Variants in PXT1 observed in about 807,000 individuals in gnomAD.
PXT1 encodes peroxisomal testis-specific protein 1.
A neutral mutation model predicts 11.0 loss-of-function variants in PXT1; 11 were observed. That is an observed-to-expected ratio of 1.00 (90% CI 0.63 to 1.66). The LOEUF is 1.66. PXT1 is among the 40% of genes most tolerant of loss of function. The pLI is 0.00. For missense variants in PXT1, 141 were observed against 155.5 expected (o/e 0.91, Z 0.49); for synonymous variants, 43 against 51.4 (o/e 0.84, Z 0.70).
chr6:36,395,427 T>A (rs2127409377), intron 4 of PXT1, among the ~76,000 whole-genome samples: 1 of 152,206 alleles, frequency 6.6e-6, no homozygotes, highest in South Asian at 2.1e-4. Context: ...CTTGAAATTC[T>A]GTTAAAGTTC....
chr6:36,429,508 C>CTTTTTTTTTTTTTTTT (rs112777415), intron 2 of PXT1, among the ~76,000 whole-genome samples: 5 of 108,214 alleles, frequency 4.6e-5, no homozygotes, highest in Admixed American at 1.1e-4. Context: ...TTTTTCTTTT[C>CTTTTTTTTTTTTTTTT]TTTTTTTTTT....
chr6:36,408,237 C>T (rs1695456675), intron 3 of PXT1, among the ~76,000 whole-genome samples: 1 of 148,688 alleles, frequency 6.7e-6, no homozygotes, highest in Admixed American at 7.0e-5. Flanking sequence ...GCTTGGATTA[C>T]ACATGTGAGC....
intron 2 of PXT1, among the ~76,000 whole-genome samples, chr6:36,430,214 A>G (rs568450673): frequency 7.2e-5 from 11 of 152,262 alleles, no homozygotes; most frequent in Admixed American, 6.5e-4. Context: ...CTCAAAAAAA[A>G]AAAAAGTAAA....
intron 3 of PXT1, among the ~76,000 whole-genome samples, chr6:36,408,315 C>T (rs922772666): frequency 6.8e-5 from 10 of 147,214 alleles, no homozygotes; most frequent in Non-Finnish European, 1.5e-4. Flanking sequence ...CTCTGCTTCT[C>T]TCTGTTGCAG....
intron 3 of PXT1, among the ~76,000 whole-genome samples, chr6:36,409,963 G>GGA (rs1774344652): frequency 6.3e-5 from 2 of 31,776 alleles, no homozygotes; most frequent in African/African-American, 4.0e-4. Flanking sequence ...AAGGAAGAAA[G>GGA]AGAAAAAAGA....
chr6:36,395,007 C>CA (rs1185346259), intron 4 of PXT1, among the ~76,000 whole-genome samples: 24 of 151,058 alleles, frequency 1.6e-4, no homozygotes, highest in African/African-American at 5.3e-4. Flanking sequence ...GGATCTCAAA[C>CA]AAAAAAAAGA....
chr6:36,433,224 T>C (rs1774717445), intron 2 of PXT1, among the ~76,000 whole-genome samples: 1 of 152,072 alleles, frequency 6.6e-6, no homozygotes, highest in Non-Finnish European at 1.5e-5. Flanking sequence ...AAAGAAATTA[T>C]ATCATCAGAG....
chr6:36,404,259 G>A (rs935431921), intron 3 of PXT1, among the ~76,000 whole-genome samples: 3 of 152,172 alleles, frequency 2.0e-5, no homozygotes, highest in Non-Finnish European at 4.4e-5. Flanking sequence ...GCCATGGGTC[G>A]CATAACTGTG....
At chr6:36,410,682 T>C (rs1469463490) in intron 3 of PXT1, among the ~76,000 whole-genome samples, 2 of 152,160 alleles carry the variant, frequency 1.3e-5, no homozygotes, top group African/African-American at 2.4e-5. Context: ...GGTCAAACCC[T>C]GTGGTGAAAG....
chr6:36,418,024 G>A (rs542580117), intron 3 of PXT1, among the ~76,000 whole-genome samples: 29 of 150,112 alleles, frequency 1.9e-4, no homozygotes, highest in Middle Eastern at 3.5e-3. Flanking sequence ...GTAAAACCCC[G>A]TCTCTACTAA....
chr6:36,396,663 C>T (rs1774148256), intron 4 of PXT1, among the ~76,000 whole-genome samples: 1 of 152,218 alleles, frequency 6.6e-6, no homozygotes, highest in Non-Finnish European at 1.5e-5. Flanking sequence ...CTTCCAGGCC[C>T]ACCCATGGCC....
chr6:36,400,722 AC>A, intron 3 of PXT1, 138 bp from the exon 4 acceptor site: 1 of 872,248 alleles, frequency 1.1e-6, no homozygotes, highest in Non-Finnish European at 1.7e-6. Context: ...TAATCCCAGC[AC>A]TTTAGGAGGC....
At chr6:36,429,495 C>CT (rs1354588612) in intron 2 of PXT1, among the ~76,000 whole-genome samples, 1 of 120,972 alleles carries the variant, frequency 8.3e-6, no homozygotes, top group Non-Finnish European at 1.6e-5. Flanking sequence ...TTTCTTTTTT[C>CT]TTTTTTTCTT....
At position 36,391,476 on chromosome 6, in the gene PXT1, C is replaced by T; in HGVS notation, c.*294G>A. On this transcript the variant is annotated 3_prime_UTR_variant, in exon 5 of 5. Transcript: ENST00000454782. ...ATGTTCAAGGTTTCCTCACAAGGAG[C>T]CCTGGGACCATCCACAGCGCTGGTG... 2.7e-6 allele frequency: 1 copy of T among 375,176 alleles called. No individual in the cohort carries two copies. Among genetic ancestry groups the T allele is most frequent in the South Asian group, 2.9e-5 (1 of 33,938 alleles). 23.2% of individuals were successfully genotyped at this position (375,176 alleles called of 1,614,324 possible). A position where few individuals can be genotyped will look rare whatever the true frequency, so the allele number is the denominator to read the frequency against.
chr6:36,399,123 T>A (rs1774180530), intron 4 of PXT1, among the ~76,000 whole-genome samples: 1 of 138,566 alleles, frequency 7.2e-6, no homozygotes, highest in African/African-American at 2.5e-5. Flanking sequence ...CTTTATTTTA[T>A]TTTATTTTAT....
intron 4 of PXT1, among the ~76,000 whole-genome samples, chr6:36,396,962 G>A (rs1028628224): frequency 6.7e-6 from 1 of 149,366 alleles, no homozygotes; most frequent in African/African-American, 2.5e-5. Context: ...ACATTGGGAC[G>A]ACTAGTTGCA....
At chr6:36,398,006 C>G (rs972157263) in intron 4 of PXT1, among the ~76,000 whole-genome samples, 1 of 150,990 alleles carries the variant, frequency 6.6e-6, no homozygotes, top group Non-Finnish European at 1.5e-5. Flanking sequence ...CAGAGCAAGA[C>G]TCTGTCTCAA....
chr6:36,400,338 A>G, intron 4 of PXT1, 116 bp downstream of exon 4: 1 of 1,242,246 alleles, frequency 8.0e-7, no homozygotes, highest in South Asian at 1.4e-5. Flanking sequence ...TAATCCAGAC[A>G]GCATTATTCC....
chr6:36,407,277 C>A (rs375672694), intron 3 of PXT1, among the ~76,000 whole-genome samples: 1 of 152,118 alleles, frequency 6.6e-6, no homozygotes, highest in Non-Finnish European at 1.5e-5. Flanking sequence ...GATAGCTATA[C>A]CACCATATTG....
Sources: allele counts gnomAD v4.1 joint callset (sites outside exome capture counted in the v4.1 genomes callset), GRCh38; gene constraint gnomAD v4.1.1; transcripts MANE v1.5; gene names NCBI Gene and HGNC (gene_info 2026-07-23, HGNC 2026-07-21).